The following ANKRD11 variants were observed in gnomAD, a reference collection of about 807,000 sequenced individuals.
ANKRD11 encodes ankyrin repeat domain-containing protein 11.
ANKRD11 carries 17 observed loss-of-function variants against 195.7 expected under a neutral mutation model. The ratio of observed to expected loss-of-function variants is 0.09; its 90% CI spans 0.06 to 0.13. ANKRD11 has a LOEUF of 0.13. Among genes scored for constraint, ANKRD11 ranks in the 10% least tolerant of loss-of-function variants. The probability of loss-of-function intolerance (pLI) is 1.00; values close to 1 mark genes in which losing one functional copy is unlikely to be tolerated. For missense variants in ANKRD11, 3,735 were observed against 3,566.1 expected (o/e 1.05, Z -1.21); for synonymous variants, 1,953 against 1,528.1 (o/e 1.28, Z -6.49).
intron 2 of ANKRD11, among the ~76,000 whole-genome samples, chr16:89,359,921 G>A (rs2039660737): frequency 1.3e-5 from 2 of 152,008 alleles, no homozygotes; most frequent in Admixed American, 6.6e-5. Context: ...TAGGTTCGGG[G>A]GCACATGTGA....
intron 2 of ANKRD11, among the ~76,000 whole-genome samples, chr16:89,384,879 C>G (rs199901096): frequency 2.0e-5 from 1 of 49,910 alleles, no homozygotes; most frequent in African/African-American, 7.9e-5. Flanking sequence ...AAATAGTTTT[C>G]TTTTTTTTTT....
chr16:89,274,756 G>A (rs2033493365), intron 11 of ANKRD11, 58 bp downstream of exon 11: 3 of 1,599,758 alleles, frequency 1.9e-6, no homozygotes, highest in Admixed American at 3.3e-5. Flanking sequence ...AAGGGGAGGG[G>A]AGGCGGGCAG....
intron 4 of ANKRD11, among the ~76,000 whole-genome samples, chr16:89,294,485 A>C (rs1266383861): frequency 6.6e-6 from 1 of 152,120 alleles, no homozygotes; most frequent in African/African-American, 2.4e-5. Context: ...TACAACGCCC[A>C]CAACACGCGC....
At position 89,268,679 on chromosome 16, in the gene ANKRD11, C is replaced by A; in HGVS notation, c.7807-16G>T. On this transcript the variant is annotated splice_polypyrimidine_tract_variant and intron_variant, in intron 12 of 12. Transcript: ENST00000301030. ...GGAGGCAAGTCTGCGGGACACACAG[C>A]GGGGAGAGGAGGGAGGAGGAGTGAA... 2 of 1,576,150 alleles carry A rather than the reference C, an allele frequency of 1.3e-6. No individual in the cohort carries two copies. The highest frequency in any genetic ancestry group is 1.2e-5 in the South Asian group (1 of 86,362).
chr16:89,485,133 T>C (rs1410456433), intron 1 of ANKRD11, among the ~76,000 whole-genome samples: 1 of 152,112 alleles, frequency 6.6e-6, no homozygotes, highest in African/African-American at 2.4e-5. Context: ...ACGGCTTACT[T>C]TTATTTTCAC....
rs570838575 is a variant in ANKRD11 at position 89,410,883 on chromosome 16, C to T, written c.-60+7401G>A. On this transcript the variant is annotated intron_variant, in intron 2 of 12. Transcript: ENST00000301030. ...GACAGAAACCACATGTGCGTGAACA[C>T]GTGTTCTACACAGAGCCTTATGTAC... is the stretch of plus-strand genomic sequence containing the variant. 4.6e-5 allele frequency among the ~76,000 whole-genome samples: 7 copies of T among 152,306 alleles called. No homozygotes were observed. The East Asian group carries it at 7.7e-4, about 17-fold the overall frequency.
chr16:89,470,154 C>G (rs2057027174), intron 1 of ANKRD11, among the ~76,000 whole-genome samples: 1 of 151,946 alleles, frequency 6.6e-6, no homozygotes, highest in Admixed American at 6.5e-5. Flanking sequence ...GATCTGCCTG[C>G]CCCGGCCTCC....
chr16:89,415,829 CAAAAAAA>C (rs71134220), intron 2 of ANKRD11, among the ~76,000 whole-genome samples: 4 of 39,744 alleles, frequency 1.0e-4, no homozygotes, highest in African/African-American at 2.8e-4. Flanking sequence ...GACTCTGTCT[CAAAAAAA>C]AAAAAAAAAA....
intron 1 of ANKRD11, among the ~76,000 whole-genome samples, chr16:89,419,384 C>T (rs1178585006): frequency 6.7e-6 from 1 of 149,578 alleles, no homozygotes; most frequent in Admixed American, 6.7e-5. Context: ...ATCTGCGAGG[C>T]AAAGGTTGCA....
intron 1 of ANKRD11, among the ~76,000 whole-genome samples, chr16:89,434,618 T>C (rs1242303072): frequency 6.6e-6 from 1 of 152,124 alleles, no homozygotes; most frequent in African/African-American, 2.4e-5. Context: ...TCCATGCCTA[T>C]AAATTCCACA....
chr16:89,302,861 G>A (rs1408568800), intron 4 of ANKRD11, among the ~76,000 whole-genome samples: 1 of 152,126 alleles, frequency 6.6e-6, no homozygotes, highest in African/African-American at 2.4e-5. Flanking sequence ...GTAAGGACAT[G>A]GTGTTCAACA....
chr16:89,488,813 G>T (rs959851147), intron 1 of ANKRD11, among the ~76,000 whole-genome samples: 1 of 152,148 alleles, frequency 6.6e-6, no homozygotes, highest in Admixed American at 6.6e-5. Flanking sequence ...TCTAATGACT[G>T]CATAAAACTC....
chr16:89,278,912 C>G (rs761184014), intron 9 of ANKRD11, 160 bp downstream of exon 9: 4 of 1,243,022 alleles, frequency 3.2e-6, no homozygotes, highest in Non-Finnish European at 4.6e-6. Context: ...CGGCTTTTGC[C>G]TCCACAGCAG....
At chr16:89,382,317 A>G (rs1047662505) in intron 2 of ANKRD11, among the ~76,000 whole-genome samples, 1 of 130,222 alleles carries the variant, frequency 7.7e-6, no homozygotes, top group Non-Finnish European at 1.8e-5. Context: ...CCCGAAGTCT[A>G]GAAATATATA....
At chr16:89,273,440 G>T (rs868111439) in intron 11 of ANKRD11, among the ~76,000 whole-genome samples, 2 of 152,160 alleles carry the variant, frequency 1.3e-5, no homozygotes, top group Non-Finnish European at 2.9e-5. Flanking sequence ...GGTGGCTCAC[G>T]CCTGTAACTC....
intron 1 of ANKRD11, among the ~76,000 whole-genome samples, chr16:89,456,637 C>G (rs1341376661): frequency 6.6e-6 from 1 of 151,810 alleles, no homozygotes; most frequent in East Asian, 1.9e-4. Flanking sequence ...GCATTATTCA[C>G]AAGTAAACAG....
rs1325611711 is a variant in ANKRD11, at chr16:89,279,721, G to A, written c.6821C>T (p.Pro2274Leu). The change falls in exon 9 of 13, where the codon CCC becomes CTC. Residue 2274 changes from proline (P) to leucine (L), a missense_variant. Pro to Leu is a moderately conservative substitution (Grantham distance 98, BLOSUM62 -3). Coordinates refer to ENST00000301030, the MANE Select transcript of ANKRD11 (RefSeq NM_013275.6). This position sits in a 1 kb window ranked among gnomAD's most constrained non-coding sequence, Gnocchi z 5.6. ...AGCTTGTGCCACAGTGTTCGGGGCGGGGCCGTCAGGGGCACAGAGGGACGC... is the reference window on the plus strand; with the variant it reads ...AGCTTGTGCCACAGTGTTCGGGGCGAGGCCGTCAGGGGCACAGAGGGACGC... ...PAASLCAPDG[P>L]APNTVAQAQA... 2.0e-6 allele frequency: 3 copies of A among 1,535,356 alleles called. No homozygotes were observed. Among genetic ancestry groups the A allele is most frequent in the Admixed American group, 3.9e-5 (2 of 51,646 alleles).
intron 2 of ANKRD11, among the ~76,000 whole-genome samples, chr16:89,400,975 G>A (rs1457497179): frequency 6.6e-6 from 1 of 152,178 alleles, no homozygotes; most frequent in Non-Finnish European, 1.5e-5. Context: ...CCCCGGGGCT[G>A]CCTGGCATGG....
chr16:89,314,589 A>G (rs559821646), intron 3 of ANKRD11, among the ~76,000 whole-genome samples: 2 of 152,168 alleles, frequency 1.3e-5, no homozygotes, highest in East Asian at 3.9e-4. Context: ...CTGCAAGTCC[A>G]CTGACACAGG....
Sources: gnomAD v4.1 joint callset for allele counts (sites outside exome capture counted in the v4.1 genomes callset) on GRCh38, gnomAD v4.1.1 for gene constraint, Gnocchi (gnomAD v3.1) non-coding constraint, MANE v1.5 for transcripts, NCBI Gene and HGNC (gene_info 2026-07-23, HGNC 2026-07-21) for gene names.